STAG2: variants seen among roughly 807,000 people sequenced by gnomAD.
STAG2 encodes the protein cohesin subunit SA-2.
In STAG2, 14 loss-of-function variants were observed where a neutral mutation model predicts 108.1. The observed-to-expected ratio is 0.13, with a 90% confidence interval of 0.09 to 0.20. The LOEUF (loss-of-function observed/expected upper bound fraction) is 0.20. Among genes scored for constraint, STAG2 ranks in the 10% least tolerant of loss-of-function variants. The pLI, the probability that STAG2 is intolerant of heterozygous loss-of-function variation, is 1.00. For missense variants in STAG2, 440 were observed against 940.9 expected (o/e 0.47, Z 6.96); for synonymous variants, 307 against 302.7 (o/e 1.01, Z -0.15).
chrX:124,074,795 T>G (rs1431313019), intron 25 of STAG2, among the ~76,000 whole-genome samples: 2 of 111,863 alleles, frequency 1.8e-5, no homozygotes, highest in Admixed American at 1.9e-4. Context: ...TGACAAGCCA[T>G]TAGTGGAGAA....
intron 1 of STAG2, among the ~76,000 whole-genome samples, chrX:124,006,451 T>G (rs1017542733): frequency 1.9e-5 from 2 of 104,431 alleles, no homozygotes; most frequent in East Asian, 6.0e-4. Flanking sequence ...TTTTTTTTTT[T>G]TTTTTGAGAG....
At chrX:123,972,117 T>G (rs2054375983) in intron 1 of STAG2, among the ~76,000 whole-genome samples, 2 of 111,208 alleles carry the variant, frequency 1.8e-5, no homozygotes, top group South Asian at 7.5e-4. Context: ...TAAGATCTTT[T>G]TTTTTCCTTT....
At position 123,993,873 on chromosome X, in the gene STAG2, A is replaced by G. The variant is rs758151674; in HGVS notation, c.-162-27494A>G. ...ATTGGAATTTAAGAGAACTGCTCTC[A>G]TATAGGTGGAATTTTCCATAATTTA... On this transcript the variant is annotated intron_variant, in intron 1 of 34. Coordinates refer to ENST00000371145, the MANE Select transcript of STAG2 (RefSeq NM_001042750.2). 3.6e-5 allele frequency among the ~76,000 whole-genome samples: 4 copies of G among 111,799 alleles called. No individual in the cohort carries two copies. In the East Asian group the frequency reaches 1.1e-3, roughly 31 times the overall value.
intron 3 of STAG2, 77 bp from the exon 4 acceptor site, chrX:124,025,763 T>A: frequency 1.3e-6 from 1 of 742,437 alleles, no homozygotes; most frequent in Non-Finnish European, 1.9e-6. Context: ...AGCCTTTCTT[T>A]TAGAAAATAT....
chrX:124,088,684 G>C, intron 30 of STAG2, among the ~76,000 whole-genome samples: 1 of 95,128 alleles, frequency 1.1e-5, no homozygotes, highest in Non-Finnish European at 2.1e-5. Context: ...GTGTGATGTT[G>C]GCTCACCGCA....
At chrX:124,060,377 C>T (rs1199470061) in intron 15 of STAG2, among the ~76,000 whole-genome samples, 8 of 111,475 alleles carry the variant, frequency 7.2e-5, no homozygotes, top group East Asian at 2.9e-4. Context: ...CTGCCTGCCT[C>T]GGCCTCCCAG....
chrX:124,052,974 G>A (rs2058087457), intron 13 of STAG2, among the ~76,000 whole-genome samples: 1 of 110,220 alleles, frequency 9.1e-6, no homozygotes, highest in Non-Finnish European at 1.9e-5. Context: ...CTGCCACCAC[G>A]CCTGGGTAAT....
chrX:124,006,283 AG>A (rs1158737243), intron 1 of STAG2, among the ~76,000 whole-genome samples: 3 of 111,067 alleles, frequency 2.7e-5, no homozygotes, highest in Non-Finnish European at 5.7e-5. Context: ...ATAAATGCTC[AG>A]GTGTAAGGTT....
At chrX:124,019,690 CT>C (rs776827492) in intron 1 of STAG2, among the ~76,000 whole-genome samples, 1 of 111,583 alleles carries the variant, frequency 9.0e-6, no homozygotes, top group African/African-American at 3.3e-5. Context: ...AATCTCAGCA[CT>C]TTGGGAGGCT....
At chrX:123,981,301 TCCTC>T (rs1381402842) in intron 1 of STAG2, among the ~76,000 whole-genome samples, 1 of 109,841 alleles carries the variant, frequency 9.1e-6, no homozygotes, top group South Asian at 3.9e-4. Context: ...AGGGCCCTGT[TCCTC>T]CCTCCCTCCC....
At chrX:124,093,051 G>A (rs1479233844) in intron 32 of STAG2, among the ~76,000 whole-genome samples, 2 of 111,207 alleles carry the variant, frequency 1.8e-5, no homozygotes, top group Non-Finnish European at 3.8e-5. Context: ...TGACTGTGGG[G>A]GTGTCTTTGG....
chrX:124,050,161 CA>C, intron 10 of STAG2, 24 bp from the exon 11 acceptor site: 1 of 1,201,882 alleles, frequency 8.3e-7, no homozygotes, highest in Non-Finnish European at 1.1e-6. Flanking sequence ...ACTAATTATG[CA>C]TCGTTTTTCC....
At chrX:124,001,037 A>G (rs1569498399) in intron 1 of STAG2, among the ~76,000 whole-genome samples, 1 of 112,387 alleles carries the variant, frequency 8.9e-6, no homozygotes, top group Non-Finnish European at 1.9e-5. Flanking sequence ...GTAAAAGTTT[A>G]TAAAACAAAA....
chrX:123,986,036 C>A (rs1055000575), intron 1 of STAG2, among the ~76,000 whole-genome samples: 4 of 105,845 alleles, frequency 3.8e-5, no homozygotes, highest in Non-Finnish European at 7.7e-5. Flanking sequence ...AGTACTCTAA[C>A]CTCACATATA....
intron 5 of STAG2, among the ~76,000 whole-genome samples, chrX:124,033,808 T>TA (rs1368366908): frequency 8.9e-6 from 1 of 111,993 alleles, no homozygotes; most frequent in African/African-American, 3.3e-5. Flanking sequence ...AGAAAGCTTA[T>TA]AAAAAACAGA....
chrX:123,960,602 CAAAAAAAAAAAAAAAAAAAAAAAAAAA>C (rs1208693829), upstream of STAG2: 1 of 7,013 alleles, frequency 1.4e-4, no homozygotes. Flanking sequence ...GAAGCGCCAC[CAAAAAAAAAAAAAAAAAAAAAAAAAAA>C]AAAAAAAAAA....
At chrX:124,043,607 A>G in intron 7 of STAG2, among the ~76,000 whole-genome samples, 1 of 112,234 alleles carries the variant, frequency 8.9e-6, no homozygotes, top group Middle Eastern at 4.6e-3. Context: ...ATTATTGACA[A>G]AAATGAAAAT....
chrX:124,079,136 T>G (rs1316654884), intron 27 of STAG2, among the ~76,000 whole-genome samples: 1 of 109,032 alleles, frequency 9.2e-6, no homozygotes, highest in East Asian at 2.9e-4. Flanking sequence ...GAATGTCCTT[T>G]TTTTTTTTTC....
In STAG2 at chrX:124,057,855, T is replaced by G. The variant is rs769384274; in HGVS notation, c.1305-11T>G. The G allele has an allele frequency of 2.7e-6, 3 of 1,103,027 alleles. No homozygotes were observed. The Admixed American group carries it at 9.3e-5, about 34-fold the overall frequency. The allele number at this position is 1,103,027 out of a possible 1,213,427, so 90.9% of individuals were successfully genotyped here. A position where few individuals can be genotyped will look rare whatever the true frequency, so the allele number is the denominator to read the frequency against. ...TGTTGTCGTAAAATAAATATTTTACTTTTTTCACAGGCTCTTCAGTCGTAG... is the reference window on the plus strand; with the variant it reads ...TGTTGTCGTAAAATAAATATTTTACGTTTTTCACAGGCTCTTCAGTCGTAG... On this transcript the variant is annotated splice_polypyrimidine_tract_variant and intron_variant, in intron 14 of 34. Coordinates refer to ENST00000371145, the MANE Select transcript of STAG2 (RefSeq NM_001042750.2).
Sources: allele counts gnomAD v4.1 joint callset (sites outside exome capture counted in the v4.1 genomes callset), GRCh38; gene constraint gnomAD v4.1.1; transcripts MANE v1.5; gene names NCBI Gene and HGNC (gene_info 2026-07-23, HGNC 2026-07-21).